SLC49A3: variants seen among roughly 807,000 people sequenced by gnomAD.
SLC49A3 encodes solute carrier family 49 member 3, also known as solute carrier family 49 member A3.
Under a neutral mutation model 43.8 loss-of-function variants are expected in SLC49A3, and 50 were observed. The ratio of observed to expected loss-of-function variants is 1.14; its 90% confidence interval spans 0.91 to 1.45. SLC49A3 has a LOEUF of 1.45. Ranked by LOEUF, SLC49A3 falls within the 40% of genes most tolerant of loss-of-function variation. SLC49A3 has a pLI of 0.00. For missense variants in SLC49A3, 906 were observed against 774.1 expected, an observed-to-expected ratio of 1.17 and a Z score of -2.02; for synonymous variants, 413 against 352.0, an observed-to-expected ratio of 1.17 and a Z score of -1.94.
intron 8 of SLC49A3, 62 bp downstream of exon 8, chr4:683,148 G>A (rs1740167404): frequency 4.4e-6 from 7 of 1,588,834 alleles, no homozygotes; most frequent in Non-Finnish European, 6.0e-6. Context: ...CAACCCCAGG[G>A]GTGTAGGGGT....
chr4:687,357 C>T (rs1741255843), intron 1 of SLC49A3: 1 of 152,514 alleles, frequency 6.6e-6, no homozygotes, highest in Non-Finnish European at 1.5e-5. Flanking sequence ...AGCTCCAGGC[C>T]ACACCCTCGG....
Position 683,719 on chromosome 4 carries a change from T to C in SLC49A3, c.883A>G (p.Ile295Val), listed in dbSNP as rs1333257850. 2 of 1,591,366 alleles carry C rather than the reference T, an allele frequency of 1.3e-6. No homozygotes were observed. Among genetic ancestry groups the C allele is most frequent in the African/African-American group, 2.7e-5 (2 of 74,628 alleles). ...GGGCCGAGAGCCAGTGCCCCCAGGA[T>C]CCCAAACGTGATGAAGAGAGCGCCA... Reference protein sequence around the residue: ...LCGALFITFGILGALALGPYV... With the variant: ...LCGALFITFGVLGALALGPYV... The change falls in exon 7 of 10, where the codon ATC becomes GTC. Residue 295 changes from isoleucine to valine, a missense_variant. Ile to Val is a conservative substitution (Grantham distance 29). Coordinates refer to ENST00000322224, the MANE Select transcript of SLC49A3 (RefSeq NM_032219.4).
rs1490702146 is a variant in SLC49A3, at chr4:682,858, A to G, written c.1184T>C (p.Met395Thr). 2 of 1,603,396 alleles carry G rather than the reference A, an allele frequency of 1.2e-6. No homozygotes were observed. The highest frequency in any genetic ancestry group is 1.7e-6 in the Non-Finnish European group (2 of 1,173,362). Residue 395 changes from methionine to threonine, a missense_variant, in exon 9 of 10, where the codon ATG (methionine) becomes ACG (threonine). Transcript: ENST00000322224. Reference protein sequence around the residue: ...QAEGILIMLAMTALTVRRSEP... With the variant: ...QAEGILIMLATTALTVRRSEP... ...CGAGCGTCGCACAGTCAGTGCCGTC[A>G]TTGCCAGCATGATGAGTATTCCCTC...
At chr4:686,027 C>G in intron 3 of SLC49A3, 62 bp downstream of exon 3, 2 of 1,606,518 alleles carry the variant, frequency 1.2e-6, no homozygotes, top group Non-Finnish European at 1.7e-6. Context: ...GCCTGGGGAG[C>G]CGAGCGTCTG....
At chr4:688,591 C>CA (rs1250953743) in intron 1 of SLC49A3, among the ~76,000 whole-genome samples, 1 of 152,214 alleles carries the variant, frequency 6.6e-6, no homozygotes, top group Non-Finnish European at 1.5e-5. Flanking sequence ...GCCCCTCACT[C>CA]AGAGTCAGGT....
chr4:690,639 G>T (rs903145075), upstream of SLC49A3, among the ~76,000 whole-genome samples: 1 of 152,362 alleles, frequency 6.6e-6, no homozygotes, highest in Middle Eastern at 3.4e-3. Context: ...CTGTCACCAT[G>T]AAATGGGGCA....
At chr4:680,921 T>C, downstream of SLC49A3, 1 of 740,604 alleles carries the variant, frequency 1.4e-6, no homozygotes, top group Non-Finnish European at 2.2e-6. Context: ...CCAGAAGTGA[T>C]GGCCCCTGAG....
chr4:679,798 T>A, downstream of SLC49A3: 4 of 816,824 alleles, frequency 4.9e-6, no homozygotes, highest in Non-Finnish European at 7.9e-6. Context: ...AGCGTCTCCT[T>A]CCCGCTCCCT....
At chr4:681,144 T>C (rs1465634210), downstream of SLC49A3, 12 of 1,603,580 alleles carry the variant, frequency 7.5e-6, no homozygotes, top group African/African-American at 9.4e-5. Flanking sequence ...GGAAGAGGTC[T>C]GGCCCGCGGC....
At chr4:680,417 T>G, downstream of SLC49A3, 2 of 1,285,328 alleles carry the variant, frequency 1.6e-6, no homozygotes, top group Non-Finnish European at 2.2e-6. Context: ...CTCCCCCTGC[T>G]TGGGGCAGGG....
In SLC49A3 at chr4:686,801, G is replaced by T. The variant is rs567712567; in HGVS notation, c.136-111C>A. 87 of 1,376,448 alleles carry T rather than the reference G, an allele frequency of 6.3e-5. No individual in the cohort carries two copies. In the African/African-American group the frequency reaches 1.1e-3, roughly 17 times the overall value. 85.3% of individuals were successfully genotyped at this position (1,376,448 alleles called of 1,614,324 possible). A position where few individuals can be genotyped will look rare whatever the true frequency, so the allele number is the denominator to read the frequency against. ...TGCCAGCAGCCCCGTGAGGCCGAGG[G>T]GACACAGCGAGCTGGACACGGGGCC... On this transcript the variant is annotated intron_variant, in intron 1 of 9. Transcript: ENST00000322224.
In SLC49A3 at chr4:682,230, C is replaced by A; in HGVS notation, c.1408G>T (p.Gly470Cys). 2.2e-6 allele frequency: 3 copies of A among 1,381,456 alleles called. No individual in the cohort carries two copies. Among genetic ancestry groups the A allele is most frequent in the Non-Finnish European group, 2.8e-6 (3 of 1,056,864 alleles). The allele number at this position is 1,381,456 out of a possible 1,614,324, so 85.6% of individuals were successfully genotyped here. A position where few individuals can be genotyped will look rare whatever the true frequency, so the allele number is the denominator to read the frequency against. ...NAVGGADSGP[G>C]VDRGGAGRAG... ...CTTCCTGCTCCCCCTCGGTCCACAC[C>A]CGGCCCTGAGTCTGCGCCGCCCACG... The change falls in exon 10 of 10, where the codon GGT becomes TGT. Residue 470 changes from glycine (G) to cysteine (C), a missense_variant. Gly to Cys is a radical substitution (Grantham distance 159). Transcript: ENST00000322224.
At chr4:681,475 C>A (rs1739524296), downstream of SLC49A3, among the ~76,000 whole-genome samples, 1 of 133,268 alleles carries the variant, frequency 7.5e-6, no homozygotes, top group Non-Finnish European at 1.6e-5. Context: ...CCCCAGCGGG[C>A]GAGACTAATG....
chr4:680,006 G>C, downstream of SLC49A3: 5 of 1,612,788 alleles, frequency 3.1e-6, no homozygotes, highest in Middle Eastern at 1.7e-4. Flanking sequence ...CCTGTTTGGG[G>C]AGAAGCTGAG....
At chr4:680,090 A>T, downstream of SLC49A3, 1 of 1,349,992 alleles carries the variant, frequency 7.4e-7, no homozygotes, top group Non-Finnish European at 1.0e-6. Flanking sequence ...CATTTCACGT[A>T]AAAATCTCTC....
At chr4:683,070 C>A in intron 8 of SLC49A3, 140 bp downstream of exon 8, 17 of 1,241,832 alleles carry the variant, frequency 1.4e-5, no homozygotes, top group Non-Finnish European at 1.9e-5. Flanking sequence ...GTGCTCAGAA[C>A]CTGCTCGGCC....
Position 682,258 on chromosome 4 carries a change from G to T in SLC49A3, c.1380C>A (p.Asn460Lys). 1 of 1,379,764 alleles carries T rather than the reference G, an allele frequency of 7.2e-7. No individual in the cohort carries two copies. The highest frequency in any genetic ancestry group is 9.5e-7 in the Non-Finnish European group (1 of 1,055,826). 85.5% of individuals were successfully genotyped at this position (1,379,764 alleles called of 1,614,324 possible). Residue 460 changes from asparagine (N) to lysine (K), a missense_variant, in exon 10 of 10, where the codon AAC (asparagine) becomes AAA (lysine). Transcript: ENST00000322224. Reference sequence around the variant, plus strand: ...GCCCTGAGTCTGCGCCGCCCACGGCGTTACGGGTGGAGGGGGGCTCCCCAG... The same window carrying T: ...GCCCTGAGTCTGCGCCGCCCACGGCTTTACGGGTGGAGGGGGGCTCCCCAG... ...AESGEPPSTR[N>K]AVGGADSGPG...
At chr4:682,996 T>A in intron 8 of SLC49A3, 106 bp from the exon 9 acceptor site, 1 of 1,169,618 alleles carries the variant, frequency 8.5e-7, no homozygotes, top group Non-Finnish European at 1.2e-6. Flanking sequence ...GCCACCACCC[T>A]CCTGAAGGCA....
chr4:680,582 GGAGTAGT>G (rs754613093), downstream of SLC49A3: 2 of 1,612,818 alleles, frequency 1.2e-6, no homozygotes, highest in South Asian at 1.1e-5. Context: ...AAATCAACAA[GGAGTAGT>G]GAGTGCCCGG....
Sources: gnomAD v4.1 joint callset for allele counts (sites outside exome capture counted in the v4.1 genomes callset) on GRCh38, gnomAD v4.1.1 for gene constraint, MANE v1.5 for transcripts, NCBI Gene and HGNC (gene_info 2026-07-23, HGNC 2026-07-21) for gene names.